IL1RAPL2: variants seen among roughly 807,000 people sequenced by gnomAD.
IL1RAPL2 encodes X-linked interleukin-1 receptor accessory protein-like 2.
Under a neutral mutation model 44.1 loss-of-function variants are expected in IL1RAPL2, and 3 were observed. The observed-to-expected ratio is 0.07, with a 90% CI of 0.03 to 0.18. The LOEUF is 0.18. Among genes scored for constraint, IL1RAPL2 ranks in the 10% least tolerant of loss-of-function variants. The pLI is 1.00. For missense variants in IL1RAPL2, 391 were observed against 496.4 expected (o/e 0.79, Z 2.02); for synonymous variants, 181 against 178.8 (o/e 1.01, Z -0.10).
chrX:105,542,731 A>ATTT (rs1491487172), intron 6 of IL1RAPL2, among the ~76,000 whole-genome samples: 48 of 45,394 alleles, frequency 1.1e-3, no homozygotes, highest in Middle Eastern at 0.012. Flanking sequence ...TTATTTATTT[A>ATTT]ATTTATTATT....
At chrX:105,015,973 T>A (rs942890368) in intron 2 of IL1RAPL2, among the ~76,000 whole-genome samples, 1 of 111,625 alleles carries the variant, frequency 9.0e-6, no homozygotes, top group African/African-American at 3.3e-5. Context: ...TTTGTTTGTG[T>A]CCTCTCTTAT....
intron 6 of IL1RAPL2, among the ~76,000 whole-genome samples, chrX:105,642,167 T>C (rs1408625576): frequency 1.8e-5 from 2 of 108,946 alleles, no homozygotes; most frequent in Non-Finnish European, 3.8e-5. Flanking sequence ...CTGCCCTCAC[T>C]CCTGCCCCAT....
chrX:104,698,169 G>A (rs985519783), intron 2 of IL1RAPL2, among the ~76,000 whole-genome samples: 2 of 112,449 alleles, frequency 1.8e-5, no homozygotes, highest in Non-Finnish European at 3.8e-5. Context: ...TGGGTTCATC[G>A]AAGTGGGAAA....
At chrX:104,655,381 AG>A (rs1249970517) in intron 1 of IL1RAPL2, among the ~76,000 whole-genome samples, 1 of 111,669 alleles carries the variant, frequency 9.0e-6, no homozygotes, top group Non-Finnish European at 1.9e-5. Flanking sequence ...TTTAGCATGA[AG>A]GGGTGTTCAA....
chrX:104,985,147 G>C (rs1602870236), intron 2 of IL1RAPL2, among the ~76,000 whole-genome samples: 1 of 109,745 alleles, frequency 9.1e-6, no homozygotes, highest in South Asian at 4.0e-4. Flanking sequence ...GAGTGCAGTG[G>C]TGTGATCTCA....
chrX:105,183,946 G>A (rs2033559316), intron 2 of IL1RAPL2, among the ~76,000 whole-genome samples: 1 of 111,519 alleles, frequency 9.0e-6, no homozygotes, highest in South Asian at 3.8e-4. Context: ...TCCAGGATTA[G>A]CTAGCACCCT....
intron 6 of IL1RAPL2, among the ~76,000 whole-genome samples, chrX:105,697,293 CA>C (rs1308596758): frequency 0.015 from 1,140 of 76,882 alleles, 7 homozygotes; most frequent in Middle Eastern, 0.041. Context: ...CAACATAGCT[CA>C]AAAAAAAAAA....
At chrX:104,907,380 T>C (rs1924051154) in intron 2 of IL1RAPL2, among the ~76,000 whole-genome samples, 1 of 111,055 alleles carries the variant, frequency 9.0e-6, no homozygotes, top group South Asian at 3.9e-4. Flanking sequence ...TTCTAGTTCT[T>C]TTAATTGTGA....
intron 2 of IL1RAPL2, among the ~76,000 whole-genome samples, chrX:104,966,454 T>C (rs750147142): frequency 1.8e-5 from 2 of 111,603 alleles, no homozygotes; most frequent in Non-Finnish European, 3.8e-5. Flanking sequence ...ATATTTCAGA[T>C]AAAATTGACC....
chrX:104,613,257 T>C (rs1295685464), intron 1 of IL1RAPL2, among the ~76,000 whole-genome samples: 1 of 111,634 alleles, frequency 9.0e-6, no homozygotes, highest in Non-Finnish European at 1.9e-5. Context: ...TCAAGGGGAA[T>C]GCTTCCAGTT....
chrX:104,572,539 C>T (rs776111346), intron 1 of IL1RAPL2, among the ~76,000 whole-genome samples: 2 of 112,181 alleles, frequency 1.8e-5, no homozygotes, highest in African/African-American at 3.2e-5. Context: ...CAGCTTAATG[C>T]AACTCTCCCT....
chrX:105,135,601 T>G (rs2033069840), intron 2 of IL1RAPL2, among the ~76,000 whole-genome samples: 1 of 111,904 alleles, frequency 8.9e-6, no homozygotes, highest in Admixed American at 9.5e-5. Flanking sequence ...GAATGTGAGC[T>G]GTATCTTAAA....
At chrX:105,240,203 T>A (rs1226810550) in intron 4 of IL1RAPL2, among the ~76,000 whole-genome samples, 1 of 112,825 alleles carries the variant, frequency 8.9e-6, no homozygotes, top group Non-Finnish European at 1.9e-5. Context: ...ACAAGGCAGC[T>A]GCCCTGGTTC....
At chrX:105,725,648 A>G (rs910311867) in intron 7 of IL1RAPL2, among the ~76,000 whole-genome samples, 5 of 111,736 alleles carry the variant, frequency 4.5e-5, no homozygotes, top group African/African-American at 1.6e-4. Flanking sequence ...TTTGTCCCTA[A>G]AATACAGAGG....
chrX:105,509,745 A>G (rs2036456287), intron 6 of IL1RAPL2, among the ~76,000 whole-genome samples: 1 of 111,386 alleles, frequency 9.0e-6, no homozygotes, highest in Non-Finnish European at 1.9e-5. Flanking sequence ...CTAGGTGGCA[A>G]AAACCTTAGG....
intron 2 of IL1RAPL2, among the ~76,000 whole-genome samples, chrX:104,725,038 T>C (rs757808370): frequency 9.0e-6 from 1 of 111,101 alleles, no homozygotes; most frequent in East Asian, 2.9e-4. Flanking sequence ...CTCCCCTAGC[T>C]CCCCAACCCC....
chrX:105,086,595 A>C (rs772659351), intron 2 of IL1RAPL2, among the ~76,000 whole-genome samples: 1 of 110,590 alleles, frequency 9.0e-6, no homozygotes, highest in East Asian at 2.8e-4. Context: ...GTCTATTTCA[A>C]AATTGCTAAG....
At chrX:105,186,084 G>A (rs371572854) in intron 2 of IL1RAPL2, among the ~76,000 whole-genome samples, 1 of 111,876 alleles carries the variant, frequency 8.9e-6, no homozygotes, top group African/African-American at 3.2e-5. Flanking sequence ...AACGATGCGT[G>A]TAGGTCATAT....
At chrX:105,463,815 TTAGTA>T (rs1473915226) in intron 5 of IL1RAPL2, among the ~76,000 whole-genome samples, 1 of 112,568 alleles carries the variant, frequency 8.9e-6, no homozygotes, top group Non-Finnish European at 1.9e-5. Context: ...CAACACGATC[TTAGTA>T]TCTGTCCTCC....
Sources: gnomAD v4.1 joint callset for allele counts (sites outside exome capture counted in the v4.1 genomes callset) on GRCh38, gnomAD v4.1.1 for gene constraint, MANE v1.5 for transcripts, NCBI Gene and HGNC (gene_info 2026-07-23, HGNC 2026-07-21) for gene names.